Variants in LUZP2 observed in about 807,000 individuals in gnomAD.
The protein encoded by LUZP2 is leucine zipper protein 2.
A neutral mutation model predicts 51.6 loss-of-function variants in LUZP2; 52 were observed. The ratio of observed to expected loss-of-function variants is 1.01; its 90% CI spans 0.81 to 1.27. The LOEUF (loss-of-function observed/expected upper bound fraction) is 1.27. LUZP2 is among the 50% of genes most tolerant of loss of function. LUZP2 has a pLI of 0.00. For synonymous variants in LUZP2, 154 were observed against 137.3 expected, an observed-to-expected ratio of 1.12 and a Z score of -0.85; for missense variants, 436 against 395.4, an observed-to-expected ratio of 1.10 and a Z score of -0.87.
At chr11:24,926,629 G>GTATATATGTATATATA (rs1565120726) in intron 7 of LUZP2, among the ~76,000 whole-genome samples, 1 of 137,524 alleles carries the variant, frequency 7.3e-6, no homozygotes, top group African/African-American at 2.7e-5. Context: ...ATATATGTGT[G>GTATATATGTATATATA]TATATATGTA....
chr11:24,839,520 G>A (rs1850959601), intron 5 of LUZP2, among the ~76,000 whole-genome samples: 2 of 151,630 alleles, frequency 1.3e-5, no homozygotes, highest in South Asian at 4.1e-4. Flanking sequence ...ACTGAATTTA[G>A]TACTTTAGTA....
intron 1 of LUZP2, among the ~76,000 whole-genome samples, chr11:24,598,882 G>A (rs1389270152): frequency 6.6e-6 from 1 of 152,164 alleles, no homozygotes; most frequent in African/African-American, 2.4e-5. Flanking sequence ...ACACCAGAAA[G>A]TCAGGGACAA....
At chr11:24,681,328 T>G (rs923305099) in intron 1 of LUZP2, among the ~76,000 whole-genome samples, 1 of 152,162 alleles carries the variant, frequency 6.6e-6, no homozygotes. Flanking sequence ...TCTGTGATCT[T>G]GGGAGCCTTC....
chr11:24,629,444 T>C (rs1432396032), intron 1 of LUZP2, among the ~76,000 whole-genome samples: 1 of 149,112 alleles, frequency 6.7e-6, no homozygotes, highest in African/African-American at 2.4e-5. Context: ...TTCCATTGCA[T>C]ATATATATAT....
chr11:24,926,669 G>A (rs1254947555), intron 7 of LUZP2, among the ~76,000 whole-genome samples: 2 of 147,548 alleles, frequency 1.4e-5, no homozygotes, highest in African/African-American at 2.5e-5. Flanking sequence ...ATATATATAT[G>A]TGTGTGTGTG....
intron 5 of LUZP2, among the ~76,000 whole-genome samples, chr11:24,843,288 TTTACC>T (rs1295377242): frequency 2.6e-5 from 4 of 152,100 alleles, no homozygotes; most frequent in Admixed American, 2.6e-4. Context: ...AGACGTATGT[TTTACC>T]AAAACTTATT....
In LUZP2 at chr11:24,971,207, G is replaced by A. The variant is rs146094326; in HGVS notation, c.523-5384G>A. 2.7e-3 allele frequency among the ~76,000 whole-genome samples: 411 copies of A among 152,176 alleles called. 2 individuals are homozygous for A. Among genetic ancestry groups the A allele is most frequent in the African/African-American group, 9.4e-3 (389 of 41,522 alleles). On this transcript the variant is annotated intron_variant, in intron 7 of 11. Transcript: ENST00000336930. ...GTTTCATGGAAGACCATTTTTCCAC[G>A]TACCTGAGATGGGGTCGGGGAGGGG...
chr11:24,904,314 G>A (rs768781006), intron 5 of LUZP2, among the ~76,000 whole-genome samples: 20 of 151,626 alleles, frequency 1.3e-4, no homozygotes, highest in Non-Finnish European at 2.4e-4. Context: ...ACAGAGTCTT[G>A]CTCTGCCACC....
intron 9 of LUZP2, among the ~76,000 whole-genome samples, chr11:25,026,830 T>A (rs1375234429): frequency 6.6e-6 from 1 of 151,792 alleles, no homozygotes; most frequent in Non-Finnish European, 1.5e-5. Context: ...GAGGATTTGT[T>A]GTACTATTTC....
At chr11:24,783,918 G>A (rs564507929) in intron 5 of LUZP2, among the ~76,000 whole-genome samples, 6 of 151,894 alleles carry the variant, frequency 4.0e-5, no homozygotes, top group Non-Finnish European at 7.4e-5. Context: ...TGCTGTTGCT[G>A]TTGTTGTTGG....
chr11:24,967,026 A>T (rs1310831548), intron 7 of LUZP2, among the ~76,000 whole-genome samples: 1 of 151,596 alleles, frequency 6.6e-6, no homozygotes, highest in Admixed American at 6.6e-5. Context: ...TATGTTTTCA[A>T]CTGACTATAT....
intron 5 of LUZP2, among the ~76,000 whole-genome samples, chr11:24,844,160 A>C (rs959965545): frequency 6.6e-6 from 1 of 152,092 alleles, no homozygotes. Context: ...CTCCATATAG[A>C]CTTGTTGAAT....
intron 5 of LUZP2, among the ~76,000 whole-genome samples, chr11:24,871,879 TTTCCCCAA>T (rs1393173337): frequency 6.6e-6 from 1 of 152,124 alleles, no homozygotes; most frequent in Non-Finnish European, 1.5e-5. Context: ...TAGGAAATAA[TTTCCCCAA>T]ACTATAATAG....
chr11:25,019,058 A>T (rs1857251115), intron 9 of LUZP2, among the ~76,000 whole-genome samples: 1 of 152,184 alleles, frequency 6.6e-6, no homozygotes, highest in African/African-American at 2.4e-5. Context: ...AGAGTGGCAC[A>T]TTTGTTGCAC....
chr11:24,604,590 G>C (rs747913131), intron 1 of LUZP2, among the ~76,000 whole-genome samples: 1 of 151,828 alleles, frequency 6.6e-6, no homozygotes, highest in Non-Finnish European at 1.5e-5. Flanking sequence ...TAAAAGCATA[G>C]GGACAGCAGT....
intron 1 of LUZP2, among the ~76,000 whole-genome samples, chr11:24,672,934 C>T (rs556290001): frequency 1.3e-5 from 2 of 152,248 alleles, no homozygotes; most frequent in South Asian, 4.1e-4. Flanking sequence ...CTCTGTCTCC[C>T]GTCAAATCAG....
At chr11:24,775,970 G>T (rs1565132391) in intron 5 of LUZP2, among the ~76,000 whole-genome samples, 1 of 152,076 alleles carries the variant, frequency 6.6e-6, no homozygotes, top group Non-Finnish European at 1.5e-5. Context: ...TTGTTATTGG[G>T]TTCTGAGTTA....
At chr11:24,677,770 C>T (rs866914357) in intron 1 of LUZP2, among the ~76,000 whole-genome samples, 9 of 152,092 alleles carry the variant, frequency 5.9e-5, no homozygotes, top group South Asian at 2.1e-4. Context: ...AGAGAGAGGG[C>T]GGGGTGTGGT....
chr11:25,065,977 C>G (rs567840285), intron 10 of LUZP2, among the ~76,000 whole-genome samples: 1 of 152,018 alleles, frequency 6.6e-6, no homozygotes, highest in East Asian at 1.9e-4. Flanking sequence ...TGCCTCTGCA[C>G]TTATCATGCT....
Sources: gnomAD v4.1 joint callset for allele counts (sites outside exome capture counted in the v4.1 genomes callset) on GRCh38, gnomAD v4.1.1 for gene constraint, MANE v1.5 for transcripts, NCBI Gene and HGNC (gene_info 2026-07-23, HGNC 2026-07-21) for gene names.